C1orf21: variants seen among roughly 807,000 people sequenced by gnomAD.
C1orf21 encodes the protein chromosome 1 open reading frame 21.
In C1orf21, 3 loss-of-function variants were observed where a neutral mutation model predicts 18.7. The ratio of observed to expected loss-of-function variants is 0.16; its 90% CI spans 0.07 to 0.42. The LOEUF (loss-of-function observed/expected upper bound fraction) is 0.42, where lower values mean the gene tolerates loss of function less well. C1orf21 is among the 10% of genes least tolerant of loss of function. C1orf21 has a pLI of 0.99. For missense variants in C1orf21, 104 were observed against 143.6 expected, an observed-to-expected ratio of 0.72 and a Z score of 1.41; for synonymous variants, 41 against 46.4, an observed-to-expected ratio of 0.88 and a Z score of 0.47.
chr1:184,514,371 T>C (rs1385943421), intron 3 of C1orf21, among the ~76,000 whole-genome samples: 1 of 152,196 alleles, frequency 6.6e-6, no homozygotes, highest in Non-Finnish European at 1.5e-5. Flanking sequence ...TATATACCTT[T>C]AACTCACTAG....
intron 1 of C1orf21, among the ~76,000 whole-genome samples, chr1:184,427,051 T>C (rs994387923): frequency 6.6e-6 from 1 of 152,148 alleles, no homozygotes. Context: ...AAGAATGTTA[T>C]GTTTGAGCTG....
intron 1 of C1orf21, among the ~76,000 whole-genome samples, chr1:184,439,078 G>A (rs1463393414): frequency 6.6e-6 from 1 of 152,062 alleles, no homozygotes; most frequent in African/African-American, 2.4e-5. Context: ...AGGCGTGGTG[G>A]TGCATGCCTG....
In C1orf21 at chr1:184,479,606, C is replaced by T. The variant is rs1258070973; in HGVS notation, c.94+2003C>T. Among the ~76,000 whole-genome samples, 3 of 144,692 alleles carry T rather than the reference C, an allele frequency of 2.1e-5. No homozygotes were observed. The East Asian group carries it at 6.2e-4, about 30-fold the overall frequency. 94.9% of individuals were successfully genotyped at this position (144,692 alleles called of 152,430 possible). On this transcript the variant is annotated intron_variant, in intron 2 of 5. Transcript: ENST00000235307. ...TGTTTCCTGATGCCGTGCAGCCTCC[C>T]ATAGGTCTTTTTTTTTTTTTTTTTT...
chr1:184,414,943 A>G (rs35350002), intron 1 of C1orf21, among the ~76,000 whole-genome samples: 6 of 152,120 alleles, frequency 3.9e-5, no homozygotes, highest in African/African-American at 9.7e-5. Flanking sequence ...TTGTTTTTCA[A>G]CGTTTGAGAT....
intron 3 of C1orf21, among the ~76,000 whole-genome samples, chr1:184,572,503 T>C (rs1324891981): frequency 6.6e-6 from 1 of 152,200 alleles, no homozygotes. Context: ...TGAAGTGAAA[T>C]TTAGAGAAAT....
chr1:184,389,752 CG>C (rs1445275660), intron 1 of C1orf21, among the ~76,000 whole-genome samples: 1 of 152,054 alleles, frequency 6.6e-6, no homozygotes, highest in Non-Finnish European at 1.5e-5. Flanking sequence ...TTCTATAAGA[CG>C]TTTTTTTGTT....
At position 184,628,216 on chromosome 1, in the gene C1orf21, T is replaced by C. The variant is rs1355385274; in HGVS notation, c.*8660T>C. ...AGCAGTGGGCCCCCATCTGTTTCAA[T>C]TACACATGCCTGTCAGCAAAAACTT... On this transcript the variant is annotated 3_prime_UTR_variant, in exon 6 of 6. Transcript: ENST00000235307. 1 of 152,176 alleles carries C rather than the reference T, an allele frequency of 6.6e-6. No homozygotes were observed. Among genetic ancestry groups the C allele is most frequent in the Non-Finnish European group, 1.5e-5 (1 of 68,034 alleles). The allele number at this position is 152,176 out of a possible 1,614,324, so 9.4% of individuals were successfully genotyped here. A position where few individuals can be genotyped will look rare whatever the true frequency, so the allele number is the denominator to read the frequency against.
intron 2 of C1orf21, among the ~76,000 whole-genome samples, chr1:184,482,844 AT>A (rs1657677689): frequency 6.6e-6 from 1 of 152,050 alleles, no homozygotes; most frequent in East Asian, 1.9e-4. Context: ...GGTAATTTCC[AT>A]TTTTTTGAAG....
intron 3 of C1orf21, among the ~76,000 whole-genome samples, chr1:184,557,232 G>T (rs541472779): frequency 2.7e-5 from 4 of 149,262 alleles, no homozygotes; most frequent in African/African-American, 9.7e-5. Context: ...AGCTCAATTT[G>T]TGTGTATGTG....
chr1:184,507,665 A>G lies in C1orf21; in HGVS notation c.172A>G (p.Arg58Gly). 1 of 1,591,094 alleles carries G rather than the reference A, an allele frequency of 6.3e-7. No individual in the cohort carries two copies. Among genetic ancestry groups the G allele is most frequent in the Non-Finnish European group, 8.5e-7 (1 of 1,173,428 alleles). ...AGAAGAAGAGCAGAAAATAGCAGCC[A>G]GGAACCAAGAAAACTTGGTAAGAAT... ...GAEEEQKIAA[R>G]NQENLEKSAS... The change falls in exon 3 of 6, where the codon AGG becomes GGG. Residue 58 changes from arginine (R) to glycine (G), a missense_variant. By Grantham distance (125) the Arg-to-Gly change is moderately radical. Transcript: ENST00000235307.
intron 1 of C1orf21, among the ~76,000 whole-genome samples, chr1:184,415,870 A>G (rs1265646767): frequency 6.6e-6 from 1 of 152,204 alleles, no homozygotes; most frequent in East Asian, 1.9e-4. Context: ...CTGAACTGCC[A>G]CAGGATAGAA....
chr1:184,605,523 A>T (rs74134118), intron 5 of C1orf21, among the ~76,000 whole-genome samples: 1,862 of 152,172 alleles, frequency 0.012, 33 homozygotes, highest in African/African-American at 0.039. Context: ...TACCTGGAAG[A>T]CTCCTAGAGT....
intron 3 of C1orf21, among the ~76,000 whole-genome samples, chr1:184,562,149 C>T (rs765328961): frequency 2.6e-5 from 4 of 152,096 alleles, no homozygotes; most frequent in Non-Finnish European, 5.9e-5. Flanking sequence ...CATGGAGTAA[C>T]TCACATATTT....
intron 3 of C1orf21, among the ~76,000 whole-genome samples, chr1:184,558,136 C>T (rs895618388): frequency 3.3e-5 from 5 of 152,204 alleles, no homozygotes; most frequent in African/African-American, 1.2e-4. Flanking sequence ...TTTCTGTCTC[C>T]TCTTACTCAC....
At chr1:184,520,533 AAG>A (rs1419104050) in intron 3 of C1orf21, among the ~76,000 whole-genome samples, 2 of 152,174 alleles carry the variant, frequency 1.3e-5, no homozygotes, top group Admixed American at 6.5e-5. Flanking sequence ...ACTGCAGACA[AAG>A]AGAACAGAGA....
At chr1:184,431,189 G>C (rs1656757438) in intron 1 of C1orf21, among the ~76,000 whole-genome samples, 1 of 152,160 alleles carries the variant, frequency 6.6e-6, no homozygotes, top group South Asian at 2.1e-4. Flanking sequence ...GAACAAAGCT[G>C]AAGGCATCAC....
Position 184,387,469 on chromosome 1 carries a change from C to T in C1orf21, c.-125+101C>T, listed in dbSNP as rs2102054091. The T allele has an allele frequency of 6.6e-6, 1 of 152,528 alleles. No individual in the cohort carries two copies. Among genetic ancestry groups the T allele is most frequent in the South Asian group, 2.1e-4 (1 of 4,850 alleles). The allele number at this position is 152,528 out of a possible 1,614,324, so 9.4% of individuals were successfully genotyped here. A position where few individuals can be genotyped will look rare whatever the true frequency, so the allele number is the denominator to read the frequency against. ...ATCCCCGGGTGGGCAGGGAGGGAGG[C>T]CTGCGGGGTGTCTGCCGCACGGAAG... On this transcript the variant is annotated intron_variant, in intron 1 of 5. Coordinates refer to ENST00000235307, the MANE Select transcript of C1orf21 (RefSeq NM_030806.4). The surrounding 1 kb of genome is among the most constrained non-coding windows in gnomAD (Gnocchi z 5.6).
At chr1:184,535,227 G>A (rs1293829542) in intron 3 of C1orf21, among the ~76,000 whole-genome samples, 2 of 152,160 alleles carry the variant, frequency 1.3e-5, no homozygotes, top group Non-Finnish European at 1.5e-5. Flanking sequence ...CGGGACAGCT[G>A]TGTAGGAGCT....
intron 5 of C1orf21, among the ~76,000 whole-genome samples, chr1:184,615,336 C>G (rs553287744): frequency 1.3e-5 from 2 of 152,300 alleles, no homozygotes; most frequent in African/African-American, 4.8e-5. Flanking sequence ...CGAAGGCACT[C>G]ATGGTTCTTT....
Sources: gnomAD v4.1 joint callset for allele counts (sites outside exome capture counted in the v4.1 genomes callset) on GRCh38, gnomAD v4.1.1 for gene constraint, Gnocchi (gnomAD v3.1) non-coding constraint, MANE v1.5 for transcripts, NCBI Gene and HGNC (gene_info 2026-07-23, HGNC 2026-07-21) for gene names.